The following DYNC1I1 variants were observed in gnomAD, a reference collection of about 807,000 sequenced individuals.
The protein encoded by DYNC1I1 is dynein cytoplasmic 1 intermediate chain 1.
In DYNC1I1, 43 loss-of-function variants were observed where a neutral mutation model predicts 86.6. That is an observed-to-expected ratio of 0.50 (90% CI 0.39 to 0.64). The LOEUF is 0.64. DYNC1I1 is among the 30% of genes least tolerant of loss of function. The pLI, the probability that DYNC1I1 is intolerant of heterozygous loss-of-function variation, is 0.00. For missense variants in DYNC1I1, 604 were observed against 788.8 expected, an observed-to-expected ratio of 0.77 and a Z score of 2.81; for synonymous variants, 262 against 283.7, an observed-to-expected ratio of 0.92 and a Z score of 0.77.
chr7:96,076,324 C>A, intron 15 of DYNC1I1, 127 bp downstream of exon 15: 3 of 1,361,028 alleles, frequency 2.2e-6, no homozygotes, highest in Non-Finnish European at 2.9e-6. Flanking sequence ...GCAGGGCTGC[C>A]GGCCCCCATT....
chr7:95,935,090 T>G (rs1792004051), intron 6 of DYNC1I1, among the ~76,000 whole-genome samples: 1 of 152,044 alleles, frequency 6.6e-6, no homozygotes, highest in Admixed American at 6.6e-5. Flanking sequence ...TTATTCACCT[T>G]GCTTGAGTGA....
chr7:95,896,988 CTT>C (rs1390663923), intron 6 of DYNC1I1, among the ~76,000 whole-genome samples: 1 of 152,170 alleles, frequency 6.6e-6, no homozygotes, highest in Non-Finnish European at 1.5e-5. Flanking sequence ...TTGCTTATAA[CTT>C]GTAAGACCAA....
chr7:95,829,041 A>G lies in DYNC1I1; in HGVS notation c.374+925A>G, dbSNP rs1348336191. Among the ~76,000 whole-genome samples, 3 of 152,330 alleles carry G rather than the reference A, an allele frequency of 2.0e-5. No individual in the cohort carries two copies. In the East Asian group the frequency reaches 5.8e-4, roughly 29 times the overall value. On this transcript the variant is annotated intron_variant, in intron 5 of 16. Transcript: ENST00000447467. ...ACCGACAGAGCACTGGATATCTCTAAGTGAACAGCAAGTTTCATAACCACA... is the reference window on the plus strand; with the variant it reads ...ACCGACAGAGCACTGGATATCTCTAGGTGAACAGCAAGTTTCATAACCACA...
At chr7:96,062,373 G>A (rs1297289809) in intron 14 of DYNC1I1, among the ~76,000 whole-genome samples, 1 of 151,692 alleles carries the variant, frequency 6.6e-6, no homozygotes, top group Non-Finnish European at 1.5e-5. Context: ...CTTATGGGGA[G>A]TTTTGTTAAC....
intron 6 of DYNC1I1, among the ~76,000 whole-genome samples, chr7:95,949,981 T>C (rs1399234471): frequency 1.3e-5 from 2 of 152,184 alleles, no homozygotes; most frequent in African/African-American, 4.8e-5. Context: ...TTTCTTTTTT[T>C]TTTTCTTGCA....
intron 6 of DYNC1I1, among the ~76,000 whole-genome samples, chr7:95,929,920 C>A (rs1791846092): frequency 6.6e-6 from 1 of 152,184 alleles, no homozygotes; most frequent in Admixed American, 6.5e-5. Flanking sequence ...TGCTGATAGA[C>A]CTTGGGAAGT....
In DYNC1I1 at chr7:95,842,407, G is replaced by T. The variant is rs532997390; in HGVS notation, c.374+14291G>T. ...GTTACAGGAAAGTAAACAGTTCCAG[G>T]TGCGGGGGCTTTAAGACTATTACAA... On this transcript the variant is annotated intron_variant, in intron 5 of 16. Transcript: ENST00000447467. 7.2e-4 allele frequency among the ~76,000 whole-genome samples: 109 copies of T among 152,312 alleles called. 1 individual carries two copies. The highest frequency in any genetic ancestry group is 2.3e-3 in the South Asian group (11 of 4,824).
intron 5 of DYNC1I1, among the ~76,000 whole-genome samples, chr7:95,858,784 T>C (rs1221378739): frequency 6.6e-6 from 1 of 151,406 alleles, no homozygotes; most frequent in Non-Finnish European, 1.5e-5. Flanking sequence ...CCTTTTATCT[T>C]TTTTACTCCT....
chr7:96,080,252 AATGCAC>A, intron 15 of DYNC1I1, 105 bp from the exon 16 acceptor site: 1 of 1,375,094 alleles, frequency 7.3e-7, no homozygotes, highest in South Asian at 1.5e-5. Flanking sequence ...TGTATTACTT[AATGCAC>A]ATGAAGGCAG....
intron 3 of DYNC1I1, 39 bp from the exon 4 acceptor site, chr7:95,813,208 A>AT (rs781167095): frequency 1.1e-5 from 17 of 1,610,220 alleles, no homozygotes; most frequent in South Asian, 7.7e-5. Flanking sequence ...CAGCCGCTGC[A>AT]TTTTTTAACA....
At chr7:95,874,237 C>G (rs1790245822) in intron 6 of DYNC1I1, among the ~76,000 whole-genome samples, 1 of 152,168 alleles carries the variant, frequency 6.6e-6, no homozygotes, top group African/African-American at 2.4e-5. Context: ...ATTCCCATTC[C>G]TGAACTCTTA....
At chr7:95,870,444 C>A (rs953669708) in intron 6 of DYNC1I1, among the ~76,000 whole-genome samples, 59 of 152,338 alleles carry the variant, frequency 3.9e-4, no homozygotes, top group African/African-American at 1.3e-3. Context: ...CAACCATTGA[C>A]TTCTGTGGTT....
intron 6 of DYNC1I1, among the ~76,000 whole-genome samples, chr7:95,953,389 A>G (rs945303738): frequency 5.9e-5 from 9 of 151,932 alleles, no homozygotes; most frequent in Admixed American, 2.0e-4. Flanking sequence ...GCTTTCTCCT[A>G]TCAAGAGAGA....
chr7:95,927,685 G>A lies in DYNC1I1; in HGVS notation c.491-49827G>A, dbSNP rs577529232. On this transcript the variant is annotated intron_variant, in intron 6 of 16. Coordinates refer to ENST00000447467, the MANE Select transcript of DYNC1I1 (RefSeq NM_001135556.2). Reference sequence around the variant, plus strand: ...ACAATAGTTGAGTGTGGGGGTAAAGGGCATACAGACACTCTTCATACTATT... The same window carrying A: ...ACAATAGTTGAGTGTGGGGGTAAAGAGCATACAGACACTCTTCATACTATT... 2.6e-5 allele frequency among the ~76,000 whole-genome samples: 4 copies of A among 151,994 alleles called. No individual in the cohort carries two copies. The South Asian group carries it at 8.3e-4, about 32-fold the overall frequency.
intron 14 of DYNC1I1, among the ~76,000 whole-genome samples, chr7:96,064,845 T>G (rs1789913633): frequency 6.6e-6 from 1 of 152,016 alleles, no homozygotes; most frequent in Non-Finnish European, 1.5e-5. Flanking sequence ...GTATGCCAAG[T>G]GCTTGAGACA....
At chr7:96,106,253 G>T (rs566737416) in intron 16 of DYNC1I1, among the ~76,000 whole-genome samples, 5 of 151,612 alleles carry the variant, frequency 3.3e-5, no homozygotes, top group African/African-American at 9.7e-5. Flanking sequence ...CCCTCTTAGG[G>T]TGGGCACGGT....
At chr7:95,898,401 A>C (rs1790945247) in intron 6 of DYNC1I1, among the ~76,000 whole-genome samples, 1 of 152,180 alleles carries the variant, frequency 6.6e-6, no homozygotes. Flanking sequence ...ACATGACTAA[A>C]AATGTTTAAT....
intron 16 of DYNC1I1, among the ~76,000 whole-genome samples, chr7:96,107,015 C>T (rs927113620): frequency 2.0e-5 from 3 of 151,082 alleles, no homozygotes; most frequent in African/African-American, 7.3e-5. Flanking sequence ...TTTTAGTTCT[C>T]TCCATTTTTC....
intron 5 of DYNC1I1, among the ~76,000 whole-genome samples, chr7:95,860,910 G>C (rs946711041): frequency 1.3e-5 from 2 of 151,948 alleles, no homozygotes; most frequent in Non-Finnish European, 2.9e-5. Context: ...CTTTCTAAAA[G>C]ACCCCCCATC....
Sources: gnomAD v4.1 joint callset for allele counts (sites outside exome capture counted in the v4.1 genomes callset) on GRCh38, gnomAD v4.1.1 for gene constraint, MANE v1.5 for transcripts, NCBI Gene and HGNC (gene_info 2026-07-23, HGNC 2026-07-21) for gene names.